ZMYM2: variants seen among roughly 807,000 people sequenced by gnomAD.
The protein encoded by ZMYM2 is zinc finger MYM-type protein 2.
A neutral mutation model predicts 162.8 loss-of-function variants in ZMYM2; 56 were observed. The observed-to-expected ratio is 0.34, with a 90% CI of 0.28 to 0.43. ZMYM2 has a LOEUF of 0.43. Ranked by LOEUF, ZMYM2 falls within the 20% of genes least tolerant of loss-of-function variation. The pLI is 1.00. For missense variants in ZMYM2, 1,275 were observed against 1,621.8 expected (o/e 0.79, Z 3.67); for synonymous variants, 510 against 541.6 (o/e 0.94, Z 0.81).
At position 20,088,718 on chromosome 13, in the gene ZMYM2, A is replaced by AG. The variant is rs1958403829; in HGVS notation, c.*2706dup. ...TTGTCAGTATGTTAAACATTGAAGT[A>AG]GGAGGAGGATGCATATTGTACTATG... On this transcript the variant is annotated 3_prime_UTR_variant, in exon 25 of 25. Coordinates refer to ENST00000610343, the MANE Select transcript of ZMYM2 (RefSeq NM_197968.4). 5.1e-6 allele frequency: 1 copy of AG among 195,620 alleles called. No homozygotes were observed. The highest frequency in any genetic ancestry group is 1.9e-4 in the South Asian group (1 of 5,212). The allele number at this position is 195,620 out of a possible 1,614,324, so 12.1% of individuals were successfully genotyped here.
chr13:19,914,672 T>C, the ZMYM2 span, among the ~76,000 whole-genome samples: 10 of 152,240 alleles, frequency 6.6e-5, no homozygotes, highest in African/African-American at 2.2e-4. Flanking sequence ...ATTTACGTAG[T>C]GTCTTATCCA....
At chr13:20,031,985 C>A (rs1953202664) in intron 10 of ZMYM2, among the ~76,000 whole-genome samples, 1 of 151,508 alleles carries the variant, frequency 6.6e-6, no homozygotes, top group South Asian at 2.1e-4. Flanking sequence ...ATTCTCCTGC[C>A]TCAGCGTCCC....
At chr13:19,973,759 G>A (rs192390377) in intron 2 of ZMYM2, among the ~76,000 whole-genome samples, 19 of 151,108 alleles carry the variant, frequency 1.3e-4, no homozygotes, top group Admixed American at 3.3e-4. Context: ...TGTCCAATCC[G>A]CGGCCCGCAG....
the ZMYM2 span, among the ~76,000 whole-genome samples, chr13:19,892,627 A>G: frequency 1.3e-5 from 2 of 151,458 alleles, no homozygotes; most frequent in South Asian, 4.2e-4. Context: ...TTTTTGTGGG[A>G]ATTACATTTT....
chr13:19,873,872 C>A, the ZMYM2 span, among the ~76,000 whole-genome samples: 16 of 152,186 alleles, frequency 1.1e-4, no homozygotes, highest in Admixed American at 1.0e-3. Context: ...GCCTCCCACA[C>A]CCAACCCCAT....
the ZMYM2 span, among the ~76,000 whole-genome samples, chr13:19,885,484 G>T: frequency 5.9e-5 from 9 of 152,068 alleles, no homozygotes; most frequent in Non-Finnish European, 1.3e-4. Context: ...TTGCCATTCA[G>T]GATTACAACA....
At chr13:19,965,387 G>A (rs1211099138) in intron 2 of ZMYM2, 7 of 548,346 alleles carry the variant, frequency 1.3e-5, no homozygotes, top group Non-Finnish European at 2.0e-5. Flanking sequence ...AAAGAGGTAT[G>A]TCTTTTTCCT....
At chr13:19,872,395 C>A in the ZMYM2 span, among the ~76,000 whole-genome samples, 2 of 151,804 alleles carry the variant, frequency 1.3e-5, no homozygotes, top group African/African-American at 4.8e-5. Context: ...ACTGAAAATA[C>A]AAAAATTAGC....
intron 7 of ZMYM2, chr13:20,025,626 A>G (rs1003242334): frequency 1.3e-5 from 2 of 154,060 alleles, no homozygotes; most frequent in African/African-American, 2.4e-5. Context: ...CCCTGCCCTC[A>G]TATTCTTTAT....
rs1958230169 is a variant in ZMYM2, at chr13:20,085,814, C to T, written c.3942-8C>T. Reference sequence around the variant, plus strand: ...TGACTTTTTCTCTTTTTCCTCCCGCCTCCAAAGTCCACAGAATCTTAATCA... The same window carrying T: ...TGACTTTTTCTCTTTTTCCTCCCGCTTCCAAAGTCCACAGAATCTTAATCA... On this transcript the variant is annotated splice_polypyrimidine_tract_variant and splice_region_variant and intron_variant, in intron 24 of 24. Transcript: ENST00000610343. 6.3e-7 allele frequency: 1 copy of T among 1,575,724 alleles called. No homozygotes were observed. Among genetic ancestry groups the T allele is most frequent in the Non-Finnish European group, 8.6e-7 (1 of 1,163,032 alleles).
intron 2 of ZMYM2, chr13:19,970,182 C>A (rs1165903358): frequency 7.0e-6 from 3 of 429,120 alleles, no homozygotes; most frequent in African/African-American, 2.2e-5. Context: ...AACAAGTGGT[C>A]ATAAGAATAA....
chr13:20,052,282 G>A lies in ZMYM2; in HGVS notation c.2464G>A (p.Gly822Ser). 6.4e-7 allele frequency: 1 copy of A among 1,565,244 alleles called. No homozygotes were observed. The highest frequency in any genetic ancestry group is 8.7e-7 in the Non-Finnish European group (1 of 1,153,994). The change falls in exon 14 of 25, where the codon GGT becomes AGT. Residue 822 changes from glycine (G) to serine (S), a missense_variant. Around this residue, in one of 10 missense-constraint regions of ZMYM2, gnomAD observed 177 missense variants for 228.0 expected, o/e 0.78. Coordinates refer to ENST00000610343, the MANE Select transcript of ZMYM2 (RefSeq NM_197968.4). ...AATTTTTTTGTGTTTTTTAGATCAG[G>A]GTTGTCAGACATCTCGAACCAAAAT... ...KGPENLHYDQ[G>S]CQTSRTKMTG...
chr13:19,980,725 C>G (rs1156804402), intron 2 of ZMYM2, among the ~76,000 whole-genome samples: 1 of 139,864 alleles, frequency 7.1e-6, no homozygotes, highest in African/African-American at 2.8e-5. Context: ...TGCACTCCAG[C>G]CTGGGTGACA....
At chr13:19,998,600 G>T (rs985065588) in intron 3 of ZMYM2, among the ~76,000 whole-genome samples, 4 of 152,062 alleles carry the variant, frequency 2.6e-5, no homozygotes, top group Non-Finnish European at 5.9e-5. Context: ...CCCATTTATT[G>T]AAACTGGTCA....
At chr13:19,937,596 A>T in the ZMYM2 span, among the ~76,000 whole-genome samples, 1 of 143,042 alleles carries the variant, frequency 7.0e-6, no homozygotes, top group Non-Finnish European at 1.5e-5. Flanking sequence ...TTTTTTTTTT[A>T]GAAATATGGA....
At chr13:19,902,541 G>C in the ZMYM2 span, among the ~76,000 whole-genome samples, 1 of 151,904 alleles carries the variant, frequency 6.6e-6, no homozygotes, top group Admixed American at 6.6e-5. Flanking sequence ...GCTTGAACCC[G>C]GGAGGCAGAG....
At chr13:19,877,453 C>G in the ZMYM2 span, among the ~76,000 whole-genome samples, 1 of 152,124 alleles carries the variant, frequency 6.6e-6, no homozygotes, top group Admixed American at 6.6e-5. Flanking sequence ...GGGAACCAAC[C>G]CATTCCTGTG....
intron 12 of ZMYM2, among the ~76,000 whole-genome samples, chr13:20,041,935 C>T (rs1421391945): frequency 3.3e-5 from 5 of 152,086 alleles, no homozygotes; most frequent in East Asian, 1.9e-4. Context: ...GCTATTAGTC[C>T]GATGAGTTTC....
chr13:20,034,946 A>G (rs1953542812), intron 11 of ZMYM2, among the ~76,000 whole-genome samples: 1 of 152,208 alleles, frequency 6.6e-6, no homozygotes, highest in Admixed American at 6.5e-5. Flanking sequence ...AGCAGATTAT[A>G]CAGATGAATT....
Sources: gnomAD v4.1 joint callset for allele counts (sites outside exome capture counted in the v4.1 genomes callset) on GRCh38, gnomAD v4.1.1 for gene constraint, gnomAD v4.1.1 regional missense constraint, MANE v1.5 for transcripts, NCBI Gene and HGNC (gene_info 2026-07-23, HGNC 2026-07-21) for gene names.